The following TENM1 variants were observed in gnomAD, a reference collection of about 807,000 sequenced individuals.
TENM1 encodes the protein teneurin-1.
In TENM1, 35 loss-of-function variants were observed where a neutral mutation model predicts 174.8. The ratio of observed to expected loss-of-function variants is 0.20; its 90% CI spans 0.15 to 0.27. The LOEUF (loss-of-function observed/expected upper bound fraction) is 0.27. TENM1 is among the 10% of genes least tolerant of loss of function. The pLI is 1.00. For synonymous variants in TENM1, 781 were observed against 798.7 expected (o/e 0.98, Z 0.37); for missense variants, 1,633 against 2,130.1 (o/e 0.77, Z 4.59).
At position 124,873,465 on chromosome X, in the gene TENM1, A is replaced by G. The variant is rs1370886575; in HGVS notation, c.535+20831T>C. On this transcript the variant is annotated intron_variant, in intron 3 of 31. Coordinates refer to ENST00000422452, the Ensembl canonical transcript of TENM1. ...TATAAAATGAATTTACTGGATCACA[A>G]TTAACATTACATAGATATGAAATGG... Among the ~76,000 whole-genome samples, 4 of 112,243 alleles carry G rather than the reference A, an allele frequency of 3.6e-5. No homozygotes were observed. The Admixed American group carries it at 3.8e-4, about 11-fold the overall frequency.
In TENM1 at chrX:124,769,473, G is replaced by A. The variant is rs1332527894; in HGVS notation, c.536-32276C>T. Among the ~76,000 whole-genome samples the A allele has an allele frequency of 2.7e-5, 3 of 111,599 alleles. No individual in the cohort carries two copies. In the Admixed American group the frequency reaches 2.9e-4, roughly 11 times the overall value. ...TTTATCCTGTCAGTATACAAGCTTC[G>A]TATGGATATATGCATGATTAGTTTC... On this transcript the variant is annotated intron_variant, in intron 3 of 31. Transcript: ENST00000422452.
intron 22 of TENM1, among the ~76,000 whole-genome samples, chrX:124,477,899 C>T (rs2046767030): frequency 9.0e-6 from 1 of 111,719 alleles, no homozygotes; most frequent in Non-Finnish European, 1.9e-5. Context: ...TTCAGTGGTA[C>T]ATGTGTAGTA....
the TENM1 span, among the ~76,000 whole-genome samples, chrX:125,147,215 G>C: frequency 9.2e-6 from 1 of 108,324 alleles, no homozygotes; most frequent in South Asian, 3.8e-4. Flanking sequence ...CATACACACA[G>C]ACACATGTAT....
chrX:124,495,888 C>T (rs1248081153), intron 20 of TENM1, among the ~76,000 whole-genome samples: 4 of 102,947 alleles, frequency 3.9e-5, no homozygotes, highest in Non-Finnish European at 5.9e-5. Context: ...TCATATGGAA[C>T]CAAAAAAGAG....
intron 1 of TENM1, among the ~76,000 whole-genome samples, chrX:124,955,335 C>T (rs1047472306): frequency 9.0e-6 from 1 of 111,375 alleles, no homozygotes; most frequent in African/African-American, 3.3e-5. Flanking sequence ...TTGTAAAACT[C>T]TCCAGATGAT....
chrX:124,555,326 G>A (rs1357121275), intron 14 of TENM1, among the ~76,000 whole-genome samples: 1 of 111,278 alleles, frequency 9.0e-6, no homozygotes. Context: ...ACCCAGACTA[G>A]GTCAGGTCCC....
At chrX:124,517,651 C>T (rs776690946) in intron 18 of TENM1, among the ~76,000 whole-genome samples, 6 of 62,684 alleles carry the variant, frequency 9.6e-5, no homozygotes, top group Admixed American at 5.1e-4. Flanking sequence ...CATCACACAC[C>T]GGGGCCTGTT....
At chrX:124,809,842 A>AGG (rs1472172110) in intron 3 of TENM1, among the ~76,000 whole-genome samples, 2 of 32,868 alleles carry the variant, frequency 6.1e-5, no homozygotes, top group African/African-American at 2.8e-4. Flanking sequence ...ACATGACAGC[A>AGG]GGAGAGAGAG....
chrX:124,995,949 A>G, the TENM1 span, among the ~76,000 whole-genome samples: 1 of 110,861 alleles, frequency 9.0e-6, no homozygotes, highest in Non-Finnish European at 1.9e-5. Flanking sequence ...ATTTGGAAGG[A>G]AAAAAAACCA....
At chrX:124,971,034 G>A in the TENM1 span, among the ~76,000 whole-genome samples, 1 of 105,427 alleles carries the variant, frequency 9.5e-6, no homozygotes, top group South Asian at 4.5e-4. Flanking sequence ...ACTATCACAA[G>A]GACAGAAAAC....
intron 4 of TENM1, among the ~76,000 whole-genome samples, chrX:124,705,627 G>A (rs1184407334): frequency 9.0e-6 from 1 of 111,156 alleles, no homozygotes; most frequent in Admixed American, 9.6e-5. Flanking sequence ...CATTAGAATG[G>A]CCTAGACACC....
intron 22 of TENM1, among the ~76,000 whole-genome samples, chrX:124,471,493 T>G (rs1162715800): frequency 1.6e-5 from 1 of 63,328 alleles, no homozygotes; most frequent in African/African-American, 6.9e-5. Flanking sequence ...ATATATAGTA[T>G]TATATAATAT....
chrX:125,184,097 T>C, the TENM1 span, among the ~76,000 whole-genome samples: 1 of 111,895 alleles, frequency 8.9e-6, no homozygotes, highest in Non-Finnish European at 1.9e-5. Context: ...TATGTCATGT[T>C]GTCTTTCTAA....
chrX:124,709,232 C>T (rs1484706165), intron 4 of TENM1, among the ~76,000 whole-genome samples: 4 of 111,599 alleles, frequency 3.6e-5, no homozygotes, highest in Admixed American at 2.9e-4. Flanking sequence ...ACAGATGAGA[C>T]GATCTAAGCA....
chrX:124,477,612 C>G (rs1247460461), intron 22 of TENM1, among the ~76,000 whole-genome samples: 1 of 110,859 alleles, frequency 9.0e-6, no homozygotes, highest in Admixed American at 9.6e-5. Flanking sequence ...ATGAGCCAGG[C>G]GTGGTGGCCC....
chrX:125,055,094 C>T, the TENM1 span, among the ~76,000 whole-genome samples: 1 of 111,451 alleles, frequency 9.0e-6, no homozygotes, highest in Non-Finnish European at 1.9e-5. Context: ...ATACATGATG[C>T]GATCCTCATA....
rs1189430151 is a variant in TENM1, at chrX:124,671,833, C to T, written c.1018G>A (p.Val340Met). 1.7e-6 allele frequency: 2 copies of T among 1,209,026 alleles called. No homozygotes were observed. Among genetic ancestry groups the T allele is most frequent in the East Asian group, 3.0e-5 (1 of 33,792 alleles). Residue 340 changes from valine (V) to methionine (M), a missense_variant and splice_region_variant, in exon 6 of 32, where the codon GTG (valine) becomes ATG (methionine). Physicochemically the swap from Val to Met is conservative, Grantham distance 21. This residue lies in a region of TENM1 where 305 missense variants were observed against 309.2 expected (regional missense o/e 0.99). Transcript: ENST00000422452. Reference sequence around the variant, plus strand: ...TGCCAAGTCAGGCCGAACAAATGCACTGCTGCAAGAGAACAAGCCATACAT... The same window carrying T: ...TGCCAAGTCAGGCCGAACAAATGCATTGCTGCAAGAGAACAAGCCATACAT...
At chrX:124,653,903 A>AC (rs2051372900) in intron 6 of TENM1, 120 bp from the exon 10 acceptor site, 1 of 597,306 alleles carries the variant, frequency 1.7e-6, no homozygotes, top group Admixed American at 3.8e-5. Context: ...CTTCCTCCCC[A>AC]CCCCATCTGT....
chrX:124,835,112 C>T (rs755706362), intron 3 of TENM1, among the ~76,000 whole-genome samples: 3 of 111,927 alleles, frequency 2.7e-5, no homozygotes, highest in Non-Finnish European at 3.8e-5. Context: ...ATTCCACGCT[C>T]TCTCATGCCT....
Sources: gnomAD v4.1 joint callset for allele counts (sites outside exome capture counted in the v4.1 genomes callset) on GRCh38, gnomAD v4.1.1 for gene constraint, gnomAD v4.1.1 regional missense constraint, MANE v1.5 for transcripts, NCBI Gene and HGNC (gene_info 2026-07-23, HGNC 2026-07-21) for gene names.